Variants in PPP1R9A observed in about 807,000 individuals in gnomAD.
The protein encoded by PPP1R9A is neurabin-1.
Under a neutral mutation model 141.9 loss-of-function variants are expected in PPP1R9A, and 59 were observed. The observed-to-expected ratio is 0.42, with a 90% CI of 0.34 to 0.52. The LOEUF (loss-of-function observed/expected upper bound fraction) is 0.52. Among genes scored for constraint, PPP1R9A ranks in the 20% least tolerant of loss-of-function variants. PPP1R9A has a pLI of 0.10. For synonymous variants in PPP1R9A, 500 were observed against 569.7 expected (o/e 0.88, Z 1.74); for missense variants, 1,444 against 1,611.9 (o/e 0.90, Z 1.78).
chr7:95,259,903 A>C (rs958564272), intron 12 of PPP1R9A, among the ~76,000 whole-genome samples: 1 of 151,994 alleles, frequency 6.6e-6, no homozygotes, highest in Non-Finnish European at 1.5e-5. Context: ...CCTTTTTAAA[A>C]ATATATATAT....
At chr7:95,192,217 T>C (rs1276638420) in intron 5 of PPP1R9A, among the ~76,000 whole-genome samples, 1 of 152,014 alleles carries the variant, frequency 6.6e-6, no homozygotes, top group Non-Finnish European at 1.5e-5. Flanking sequence ...GTAAGTACTT[T>C]TTTTTCATCA....
chr7:95,160,089 A>G (rs1830245218), intron 4 of PPP1R9A, among the ~76,000 whole-genome samples: 1 of 151,754 alleles, frequency 6.6e-6, no homozygotes, highest in Admixed American at 6.6e-5. Flanking sequence ...AAAATGATAT[A>G]TATAAAATAT....
chr7:95,039,755 C>A (rs536241808), intron 2 of PPP1R9A, among the ~76,000 whole-genome samples: 14 of 151,918 alleles, frequency 9.2e-5, no homozygotes, highest in African/African-American at 3.1e-4. Flanking sequence ...CAGAATAGAG[C>A]ATCTAAGAAC....
rs552802554 is a variant in PPP1R9A, at chr7:95,104,866, G to A, written c.1396-6393G>A. Among the ~76,000 whole-genome samples, 18 of 152,310 alleles carry A rather than the reference G, an allele frequency of 1.2e-4. No individual in the cohort carries two copies. In the South Asian group the frequency reaches 3.7e-3, roughly 32 times the overall value. The stretch of plus-strand genomic sequence containing the variant: ...TTCAATTTAGAGCTTATTTTGCAGA[G>A]CCACTGAAATCATGTGAAGGTGAGT... On this transcript the variant is annotated intron_variant, in intron 2 of 19. Transcript: ENST00000433360.
chr7:95,286,133 G>A (rs777415786), intron 17 of PPP1R9A, 73 bp from the exon 18 acceptor site: 11 of 1,573,718 alleles, frequency 7.0e-6, no homozygotes, highest in Non-Finnish European at 8.6e-6. Flanking sequence ...AGCCCTTTTA[G>A]AGCTTGTAGA....
chr7:94,928,319 T>A (rs1219215782), intron 2 of PPP1R9A, among the ~76,000 whole-genome samples: 4 of 151,934 alleles, frequency 2.6e-5, no homozygotes, highest in African/African-American at 9.7e-5. Context: ...GAGTTGGAAA[T>A]GAAATGCAAA....
chr7:95,256,178 C>A (rs1799552563), intron 12 of PPP1R9A, among the ~76,000 whole-genome samples: 3 of 147,022 alleles, frequency 2.0e-5, no homozygotes, highest in African/African-American at 2.5e-5. Context: ...AGTGATAGAG[C>A]AAGATCCTGT....
In PPP1R9A at chr7:95,294,931, A is replaced by G. The variant is rs1199135960; in HGVS notation, c.*4628A>G. The G allele has an allele frequency of 6.6e-6, 1 of 152,622 alleles. No individual in the cohort carries two copies. Among genetic ancestry groups the G allele is most frequent in the Non-Finnish European group, 1.5e-5 (1 of 68,032 alleles). 9.5% of individuals were successfully genotyped at this position (152,622 alleles called of 1,614,324 possible). On this transcript the variant is annotated 3_prime_UTR_variant, in exon 20 of 20. Transcript: ENST00000433360. ...GTCTGTGACCTGATTCCAGATCCTC[A>G]AGAGTGGAGAAGGAAAGAAATATGA...
chr7:95,198,856 A>C (rs1414979997), intron 6 of PPP1R9A, among the ~76,000 whole-genome samples: 1 of 152,214 alleles, frequency 6.6e-6, no homozygotes, highest in Non-Finnish European at 1.5e-5. Flanking sequence ...AATGTTCTAC[A>C]ATAGTATGTA....
chr7:94,982,884 T>A (rs983614313), intron 2 of PPP1R9A, among the ~76,000 whole-genome samples: 1 of 152,196 alleles, frequency 6.6e-6, no homozygotes, highest in Non-Finnish European at 1.5e-5. Context: ...AGTCATGAAG[T>A]CCTTGCCCAT....
intron 16 of PPP1R9A, 31 bp downstream of exon 16, chr7:95,274,199 T>A: frequency 6.8e-7 from 1 of 1,480,818 alleles, no homozygotes. Flanking sequence ...ACACGTGTAT[T>A]TCTATACCTA....
chr7:95,029,056 G>C (rs1173665112), intron 2 of PPP1R9A, among the ~76,000 whole-genome samples: 1 of 152,130 alleles, frequency 6.6e-6, no homozygotes, highest in Admixed American at 6.5e-5. Context: ...TGTTTGAAGA[G>C]CTTCATTTAA....
intron 2 of PPP1R9A, among the ~76,000 whole-genome samples, chr7:95,037,947 A>AT (rs1469307290): frequency 7.8e-5 from 7 of 89,994 alleles, no homozygotes; most frequent in East Asian, 3.4e-4. Context: ...CTACAAAATA[A>AT]TTTAAAAAAA....
intron 4 of PPP1R9A, among the ~76,000 whole-genome samples, chr7:95,147,401 A>G (rs1339790379): frequency 6.6e-6 from 1 of 152,192 alleles, no homozygotes; most frequent in African/African-American, 2.4e-5. Flanking sequence ...TTGGACTGAG[A>G]TGATGGGGTT....
At chr7:94,993,378 C>G (rs1801759011) in intron 2 of PPP1R9A, among the ~76,000 whole-genome samples, 1 of 152,100 alleles carries the variant, frequency 6.6e-6, no homozygotes, top group Admixed American at 6.6e-5. Flanking sequence ...TTTGGCTCCT[C>G]TAAGTATTTT....
intron 6 of PPP1R9A, among the ~76,000 whole-genome samples, chr7:95,200,963 A>G (rs539230536): frequency 1.3e-5 from 2 of 152,306 alleles, no homozygotes; most frequent in East Asian, 3.9e-4. Flanking sequence ...ACTCTTTGCA[A>G]CACACTGTGC....
At chr7:95,260,030 C>G (rs1585511220) in intron 12 of PPP1R9A, among the ~76,000 whole-genome samples, 1 of 151,954 alleles carries the variant, frequency 6.6e-6, no homozygotes, top group African/African-American at 2.4e-5. Context: ...TTGAATTGCA[C>G]TAATAATTAA....
intron 7 of PPP1R9A, among the ~76,000 whole-genome samples, chr7:95,222,436 G>T (rs1057331860): frequency 3.3e-5 from 5 of 152,000 alleles, no homozygotes; most frequent in African/African-American, 1.2e-4. Flanking sequence ...TCCCATAGTT[G>T]TTGAGGAATG....
In PPP1R9A at chr7:94,910,016, C is replaced by A; in HGVS notation, c.-98C>A. 9.3e-7 allele frequency: 1 copy of A among 1,073,970 alleles called. No homozygotes were observed. Among genetic ancestry groups the A allele is most frequent in the Non-Finnish European group, 1.3e-6 (1 of 741,498 alleles). 66.5% of individuals were successfully genotyped at this position (1,073,970 alleles called of 1,614,324 possible). ...CGTATACCATTTGAGAGGTACTTTTCTTGACCCAATACTGGTGATTAGAGA... is the reference window on the plus strand; with the variant it reads ...CGTATACCATTTGAGAGGTACTTTTATTGACCCAATACTGGTGATTAGAGA... On this transcript the variant is annotated 5_prime_UTR_variant, in exon 2 of 20. Coordinates refer to ENST00000433360, the MANE Select transcript of PPP1R9A (RefSeq NM_001166160.2). This position sits in a 1 kb window ranked among gnomAD's most constrained non-coding sequence, Gnocchi z 4.5.
Sources: allele counts gnomAD v4.1 joint callset (sites outside exome capture counted in the v4.1 genomes callset), GRCh38; gene constraint gnomAD v4.1.1; non-coding constraint Gnocchi (gnomAD v3.1); transcripts MANE v1.5; gene names NCBI Gene and HGNC (gene_info 2026-07-23, HGNC 2026-07-21).